The following BTG4 variants were observed in gnomAD, a reference collection of about 807,000 sequenced individuals.
BTG4 encodes protein BTG4.
Under a neutral mutation model 19.3 loss-of-function variants are expected in BTG4, and 10 were observed. The observed-to-expected ratio is 0.52, with a 90% CI of 0.32 to 0.88. The LOEUF is 0.88. Ranked by LOEUF, BTG4 falls within the 40% of genes least tolerant of loss-of-function variation. The probability of loss-of-function intolerance (pLI) is 0.04; values close to 1 mark genes in which losing one functional copy is unlikely to be tolerated. For synonymous variants in BTG4, 91 were observed against 95.7 expected, an observed-to-expected ratio of 0.95 and a Z score of 0.29; for missense variants, 238 against 281.9, an observed-to-expected ratio of 0.84 and a Z score of 1.11.
chr11:111,396,643 C>T, the BTG4 span, among the ~76,000 whole-genome samples: 1 of 152,256 alleles, frequency 6.6e-6, no homozygotes. Flanking sequence ...TGTTCTCAGG[C>T]ATGTGGGCCT....
At chr11:111,409,025 T>C in the BTG4 span, among the ~76,000 whole-genome samples, 5 of 152,244 alleles carry the variant, frequency 3.3e-5, no homozygotes, top group Middle Eastern at 0.01. Context: ...GGAATTGCAG[T>C]TAGCCAAGGG....
the BTG4 span, among the ~76,000 whole-genome samples, chr11:111,410,811 C>T: frequency 6.6e-6 from 1 of 152,202 alleles, no homozygotes; most frequent in Non-Finnish European, 1.5e-5. Context: ...CCACAATTTT[C>T]CCCATCAAAT....
the BTG4 span, among the ~76,000 whole-genome samples, chr11:111,431,606 A>G: frequency 3.9e-5 from 6 of 152,320 alleles, 1 homozygote; most frequent in South Asian, 1.0e-3. Flanking sequence ...AAGTTAACTG[A>G]TTCACATAAT....
At chr11:111,438,506 C>T in the BTG4 span, among the ~76,000 whole-genome samples, 2 of 152,312 alleles carry the variant, frequency 1.3e-5, no homozygotes, top group South Asian at 4.1e-4. Flanking sequence ...GGGCCATTTC[C>T]CCCAGCGCTT....
intron 1 of BTG4, among the ~76,000 whole-genome samples, chr11:111,501,247 C>G (rs1239153679): frequency 6.6e-6 from 1 of 152,034 alleles, no homozygotes. Flanking sequence ...ACCTGTAGCC[C>G]TAGCTACTCG....
the BTG4 span, among the ~76,000 whole-genome samples, chr11:111,431,621 G>A: frequency 2.6e-5 from 4 of 152,044 alleles, no homozygotes; most frequent in Middle Eastern, 3.2e-3. Context: ...CATAATATAC[G>A]GCCCATCCTG....
chr11:111,464,628 C>A (rs1233180387), downstream of BTG4: 22 of 152,346 alleles, frequency 1.4e-4, no homozygotes, highest in Admixed American at 1.4e-3. Context: ...TGGTCCCAAG[C>A]CCACAAGGAA....
the BTG4 span, among the ~76,000 whole-genome samples, chr11:111,410,127 G>C: frequency 6.6e-6 from 1 of 152,004 alleles, no homozygotes; most frequent in Non-Finnish European, 1.5e-5. Context: ...TCATTTAACT[G>C]CTCTAAGCCT....
At chr11:111,395,671 C>A in the BTG4 span, among the ~76,000 whole-genome samples, 1 of 152,224 alleles carries the variant, frequency 6.6e-6, no homozygotes, top group Non-Finnish European at 1.5e-5. Context: ...AAAGCTGATA[C>A]AAAAGCCCCA....
upstream of BTG4, chr11:111,512,814 T>A (rs924875509): frequency 6.7e-6 from 2 of 300,298 alleles, no homozygotes. Flanking sequence ...GGCCCGGGGG[T>A]GTCCTCGGGG....
the BTG4 span, among the ~76,000 whole-genome samples, chr11:111,389,716 T>C: frequency 6.6e-6 from 1 of 152,234 alleles, no homozygotes; most frequent in Admixed American, 6.5e-5. Context: ...AATTTTCTTT[T>C]AGAAAAAGGT....
At chr11:111,459,109 G>A in the BTG4 span, among the ~76,000 whole-genome samples, 7 of 152,160 alleles carry the variant, frequency 4.6e-5, no homozygotes, top group Non-Finnish European at 8.8e-5. Flanking sequence ...AGACATAGTG[G>A]TGGGAGCCTG....
the BTG4 span, among the ~76,000 whole-genome samples, chr11:111,436,224 C>A: frequency 6.6e-6 from 1 of 152,176 alleles, no homozygotes; most frequent in African/African-American, 2.4e-5. Flanking sequence ...AGCTGCAAAT[C>A]CAGCACCCTG....
chr11:111,419,472 G>T, the BTG4 span, among the ~76,000 whole-genome samples: 2 of 152,372 alleles, frequency 1.3e-5, no homozygotes, highest in Admixed American at 1.3e-4. Context: ...GCTACCTGAG[G>T]TGTCTGTATT....
the BTG4 span, among the ~76,000 whole-genome samples, chr11:111,431,368 T>C: frequency 6.6e-6 from 1 of 152,172 alleles, no homozygotes; most frequent in Non-Finnish European, 1.5e-5. Context: ...AAGCCTATGA[T>C]GTAGGCACTG....
the BTG4 span, among the ~76,000 whole-genome samples, chr11:111,422,215 T>G: frequency 1.3e-5 from 2 of 152,132 alleles, no homozygotes; most frequent in Non-Finnish European, 2.9e-5. Context: ...AGCAAATCGT[T>G]CCTCCAGCTC....
chr11:111,481,862 A>G (rs1023439519), intron 5 of BTG4, among the ~76,000 whole-genome samples: 2 of 151,944 alleles, frequency 1.3e-5, no homozygotes, highest in Non-Finnish European at 2.9e-5. Flanking sequence ...TACAAAATTG[A>G]TGAGTATCTA....
At chr11:111,436,742 G>A in the BTG4 span, among the ~76,000 whole-genome samples, 1 of 152,104 alleles carries the variant, frequency 6.6e-6, no homozygotes, top group Non-Finnish European at 1.5e-5. Context: ...CAGGCGGCTA[G>A]CCCAGCCCCT....
chr11:111,426,318 C>A, the BTG4 span, among the ~76,000 whole-genome samples: 3 of 152,080 alleles, frequency 2.0e-5, no homozygotes, highest in African/African-American at 4.8e-5. Flanking sequence ...GTGGTTGTAT[C>A]TACACATTGT....
Sources: allele counts gnomAD v4.1 joint callset (sites outside exome capture counted in the v4.1 genomes callset), GRCh38; gene constraint gnomAD v4.1.1; transcripts MANE v1.5; gene names NCBI Gene and HGNC (gene_info 2026-07-23, HGNC 2026-07-21).